The following SGCD variants were observed in gnomAD, a reference collection of about 807,000 sequenced individuals.
SGCD encodes sarcoglycan delta, also known as delta-sarcoglycan.
A neutral mutation model predicts 36.6 loss-of-function variants in SGCD; 18 were observed. The ratio of observed to expected loss-of-function variants is 0.49; its 90% CI spans 0.34 to 0.73. SGCD has a LOEUF of 0.73. SGCD is among the 30% of genes least tolerant of loss of function. The probability of loss-of-function intolerance (pLI) is 0.01; values close to 1 mark genes in which losing one functional copy is unlikely to be tolerated. For missense variants in SGCD, 387 were observed against 346.7 expected (o/e 1.12, Z -0.92); for synonymous variants, 133 against 130.6 (o/e 1.02, Z -0.12).
At position 156,454,686 on chromosome 5, in the gene SGCD, G is replaced by T. The variant is rs1383536662; in HGVS notation, c.193-53915G>T. Among the ~76,000 whole-genome samples the T allele has an allele frequency of 2.6e-5, 4 of 152,140 alleles. No individual in the cohort carries two copies. The East Asian group carries it at 5.8e-4, about 22-fold the overall frequency. ...AGCCAGGCATGGTTCTACAGAGAGAGCATTGGCATGGTGGCAAGAGTGGTG... is the reference window on the plus strand; with the variant it reads ...AGCCAGGCATGGTTCTACAGAGAGATCATTGGCATGGTGGCAAGAGTGGTG... On this transcript the variant is annotated intron_variant, in intron 3 of 8. Coordinates refer to ENST00000337851, the MANE Select transcript of SGCD (RefSeq NM_000337.6).
At chr5:156,218,137 G>T (rs1464272288) in intron 3 of SGCD, among the ~76,000 whole-genome samples, 1 of 152,004 alleles carries the variant, frequency 6.6e-6, no homozygotes, top group Non-Finnish European at 1.5e-5. Context: ...AGTCGGGCAT[G>T]GTGGCATGAG....
intron 3 of SGCD, among the ~76,000 whole-genome samples, chr5:156,348,846 A>G (rs554757906): frequency 6.6e-6 from 1 of 152,326 alleles, no homozygotes; most frequent in South Asian, 2.1e-4. Context: ...ACCGGACTTC[A>G]AATTATACTA....
chr5:156,227,823 G>A (rs970537920), intron 3 of SGCD, among the ~76,000 whole-genome samples: 1 of 151,872 alleles, frequency 6.6e-6, no homozygotes, highest in African/African-American at 2.4e-5. Flanking sequence ...GTCTCCCGGG[G>A]GTTTTGATAG....
intron 4 of SGCD, among the ~76,000 whole-genome samples, chr5:156,520,514 A>G (rs1757354428): frequency 6.6e-6 from 1 of 152,128 alleles, no homozygotes; most frequent in South Asian, 2.1e-4. Flanking sequence ...AGAGAAAACT[A>G]TTTTAGAAGT....
At chr5:156,268,741 C>A (rs182509322) in intron 3 of SGCD, among the ~76,000 whole-genome samples, 1 of 152,078 alleles carries the variant, frequency 6.6e-6, no homozygotes, top group African/African-American at 2.4e-5. Flanking sequence ...TAGAGGCATG[C>A]GCCATCACGC....
At chr5:156,410,463 C>T (rs1370035615) in intron 3 of SGCD, among the ~76,000 whole-genome samples, 1 of 152,188 alleles carries the variant, frequency 6.6e-6, no homozygotes, top group Admixed American at 6.5e-5. Context: ...CCCCAAACCT[C>T]AGTGTCGTGC....
intron 6 of SGCD, among the ~76,000 whole-genome samples, chr5:156,602,008 G>A (rs148682551): frequency 2.0e-5 from 3 of 152,218 alleles, no homozygotes; most frequent in African/African-American, 4.8e-5. Context: ...GATAGGGATT[G>A]CATTAAATCG....
intron 4 of SGCD, among the ~76,000 whole-genome samples, chr5:156,552,347 A>G (rs1042275352): frequency 6.6e-6 from 1 of 152,204 alleles, no homozygotes; most frequent in African/African-American, 2.4e-5. Context: ...GTCTGAACAC[A>G]GTGAGAAAGT....
intron 3 of SGCD, among the ~76,000 whole-genome samples, chr5:156,449,677 CAAA>C (rs397883573): frequency 0.028 from 1,288 of 46,000 alleles, 11 homozygotes; most frequent in Non-Finnish European, 0.039. Context: ...ACTAAAAATA[CAAA>C]AAAAAAAAAA....
At chr5:156,735,122 G>A (rs1756283791) in intron 7 of SGCD, among the ~76,000 whole-genome samples, 1 of 152,156 alleles carries the variant, frequency 6.6e-6, no homozygotes, top group Admixed American at 6.5e-5. Context: ...TCCAGTACCT[G>A]GAGGTATCAC....
Position 156,636,593 on chromosome 5 carries a change from A to G in SGCD, c.503-10871A>G, listed in dbSNP as rs141619799. On this transcript the variant is annotated intron_variant, in intron 6 of 8. Coordinates refer to ENST00000337851, the MANE Select transcript of SGCD (RefSeq NM_000337.6). Reference sequence around the variant, plus strand: ...GGGAAGGCTTCATGATGGAAGTGGCATTTGACCTGGGCCTTATAGGATTTG... The same window carrying G: ...GGGAAGGCTTCATGATGGAAGTGGCGTTTGACCTGGGCCTTATAGGATTTG... 3.2e-3 allele frequency among the ~76,000 whole-genome samples: 483 copies of G among 152,282 alleles called. 4 individuals carry two copies. The highest frequency in any genetic ancestry group is 0.011 in the African/African-American group (467 of 41,558).
At chr5:156,364,000 G>T (rs1769950920) in intron 3 of SGCD, among the ~76,000 whole-genome samples, 1 of 152,140 alleles carries the variant, frequency 6.6e-6, no homozygotes, top group African/African-American at 2.4e-5. Context: ...TCATTGGCTT[G>T]GTGGTCTCAG....
chr5:155,734,139 T>C, the SGCD span, among the ~76,000 whole-genome samples: 3 of 147,592 alleles, frequency 2.0e-5, no homozygotes, highest in Non-Finnish European at 4.5e-5. Context: ...ATATTAATTA[T>C]ATTAATTAAT....
intron 1 of SGCD, among the ~76,000 whole-genome samples, chr5:156,046,362 G>T (rs527991233): frequency 1.6e-4 from 24 of 151,936 alleles, no homozygotes; most frequent in Non-Finnish European, 3.1e-4. Context: ...ATACTATGCA[G>T]GCATACCTAG....
chr5:156,548,214 C>T (rs932775871), intron 4 of SGCD, among the ~76,000 whole-genome samples: 14 of 152,152 alleles, frequency 9.2e-5, no homozygotes, highest in Non-Finnish European at 1.6e-4. Flanking sequence ...CACCCCAATA[C>T]CTGACAATTT....
chr5:156,138,440 A>G (rs976581988), intron 3 of SGCD, among the ~76,000 whole-genome samples: 4 of 152,072 alleles, frequency 2.6e-5, no homozygotes, highest in Non-Finnish European at 4.4e-5. Context: ...CTTCACATAC[A>G]TGGTCTTATG....
chr5:155,831,245 C>T, the SGCD span, among the ~76,000 whole-genome samples: 20 of 152,204 alleles, frequency 1.3e-4, no homozygotes, highest in African/African-American at 4.6e-4. Flanking sequence ...CCTCCACCTG[C>T]TCTTGCGGTT....
At chr5:156,202,748 G>A (rs1186493244) in intron 3 of SGCD, among the ~76,000 whole-genome samples, 1 of 127,914 alleles carries the variant, frequency 7.8e-6, no homozygotes. Context: ...GAGTAGCAGA[G>A]GTTCCTTTTT....
the SGCD span, among the ~76,000 whole-genome samples, chr5:155,856,854 G>A: frequency 3.9e-5 from 6 of 152,124 alleles, no homozygotes; most frequent in South Asian, 2.1e-4. Context: ...AACAATTATC[G>A]GAAAGGATGT....
Sources: gnomAD v4.1 joint callset for allele counts (sites outside exome capture counted in the v4.1 genomes callset) on GRCh38, gnomAD v4.1.1 for gene constraint, MANE v1.5 for transcripts, NCBI Gene and HGNC (gene_info 2026-07-23, HGNC 2026-07-21) for gene names.